MAGI2: variants seen among roughly 807,000 people sequenced by gnomAD.
MAGI2 encodes membrane-associated guanylate kinase, WW and PDZ domain-containing protein 2.
In MAGI2, 35 loss-of-function variants were observed where a neutral mutation model predicts 133.3. That is an observed-to-expected ratio of 0.26 (90% CI 0.20 to 0.35). The LOEUF is 0.35. Ranked by LOEUF, MAGI2 falls within the 10% of genes least tolerant of loss-of-function variation. MAGI2 has a pLI of 1.00. For synonymous variants in MAGI2, 729 were observed against 710.6 expected, an observed-to-expected ratio of 1.03 and a Z score of -0.41; for missense variants, 1,636 against 1,863.4, an observed-to-expected ratio of 0.88 and a Z score of 2.25.
chr7:78,890,589 A>C (rs1414221253), intron 2 of MAGI2, among the ~76,000 whole-genome samples: 1 of 152,136 alleles, frequency 6.6e-6, no homozygotes, highest in Non-Finnish European at 1.5e-5. Flanking sequence ...AAAACCGCTC[A>C]ACTACATGGA....
intron 10 of MAGI2, among the ~76,000 whole-genome samples, chr7:78,211,237 G>C (rs995727430): frequency 7.0e-6 from 1 of 142,780 alleles, no homozygotes; most frequent in African/African-American, 2.5e-5. Flanking sequence ...GAACCCCCCA[G>C]GATCTGCCCC....
intron 1 of MAGI2, among the ~76,000 whole-genome samples, chr7:79,109,059 C>T (rs1244609286): frequency 6.6e-6 from 1 of 152,216 alleles, no homozygotes; most frequent in East Asian, 1.9e-4. Context: ...TAAGCCTCTT[C>T]TCTTTATAGA....
chr7:79,058,279 C>T (rs1465899419), intron 1 of MAGI2, among the ~76,000 whole-genome samples: 1 of 152,106 alleles, frequency 6.6e-6, no homozygotes, highest in African/African-American at 2.4e-5. Flanking sequence ...AATAATGTTG[C>T]TCTCAGTAGA....
chr7:79,296,617 G>T (rs989918301), intron 1 of MAGI2, among the ~76,000 whole-genome samples: 1 of 152,138 alleles, frequency 6.6e-6, no homozygotes, highest in Non-Finnish European at 1.5e-5. Flanking sequence ...CTCATAATGG[G>T]AAATTGCAAA....
At chr7:79,160,463 T>C (rs1824245818) in intron 1 of MAGI2, among the ~76,000 whole-genome samples, 1 of 152,108 alleles carries the variant, frequency 6.6e-6, no homozygotes, top group South Asian at 2.1e-4. Flanking sequence ...AATTGTTCCA[T>C]TTTGTAGATT....
intron 2 of MAGI2, among the ~76,000 whole-genome samples, chr7:79,004,188 A>C (rs545392091): frequency 1.3e-3 from 193 of 152,294 alleles, no homozygotes; most frequent in African/African-American, 4.5e-3. Context: ...TTACAATAGC[A>C]AAGACAAGGA....
chr7:79,107,663 G>T lies in MAGI2; in HGVS notation c.302-100457C>A, dbSNP rs992995466. ...TGAGAGTTTATATGGAAATTCTTAT[G>T]CATACTCCATTTGGTAATCTCTTTT... is the stretch of plus-strand genomic sequence containing the variant. On this transcript the variant is annotated intron_variant, in intron 1 of 21. Coordinates refer to ENST00000354212, the MANE Select transcript of MAGI2 (RefSeq NM_012301.4). Among the ~76,000 whole-genome samples the T allele has an allele frequency of 7.9e-5, 12 of 152,130 alleles. 2 individuals are homozygous for T. Among genetic ancestry groups the T allele is most frequent in the Admixed American group, 7.2e-4 (11 of 15,272 alleles).
chr7:79,317,964 T>C (rs1356500955), intron 1 of MAGI2, among the ~76,000 whole-genome samples: 1 of 152,228 alleles, frequency 6.6e-6, no homozygotes, highest in African/African-American at 2.4e-5. Flanking sequence ...TGCTGCTCTT[T>C]GACCAGTATT....
intron 2 of MAGI2, among the ~76,000 whole-genome samples, chr7:78,867,133 G>A (rs10227420): frequency 0.49 from 68,289 of 138,842 alleles, 15,714 homozygotes; most frequent in East Asian, 0.65. Context: ...TCAGTGTGGT[G>A]ATTCCTCAGG....
chr7:78,705,963 C>A (rs919573869), intron 2 of MAGI2, among the ~76,000 whole-genome samples: 1 of 152,022 alleles, frequency 6.6e-6, no homozygotes, highest in Non-Finnish European at 1.5e-5. Context: ...CTCAAATGGG[C>A]AACAAGCACA....
intron 1 of MAGI2, among the ~76,000 whole-genome samples, chr7:79,388,636 G>A (rs1331682503): frequency 2.6e-5 from 4 of 151,382 alleles, no homozygotes; most frequent in Non-Finnish European, 4.4e-5. Flanking sequence ...CTCACCCTTT[G>A]ACAATAATGA....
intron 21 of MAGI2, among the ~76,000 whole-genome samples, chr7:78,057,224 A>G (rs1160827348): frequency 6.6e-6 from 1 of 151,790 alleles, no homozygotes; most frequent in Non-Finnish European, 1.5e-5. Flanking sequence ...CCTTGCCAAC[A>G]CTTGTTATTT....
intron 1 of MAGI2, chr7:79,125,117 G>T: frequency 3.4e-6 from 1 of 297,664 alleles, no homozygotes. Context: ...GAACAGTGTG[G>T]GAAAATCAAA....
chr7:79,337,723 T>C (rs992453233), intron 1 of MAGI2, among the ~76,000 whole-genome samples: 1 of 152,170 alleles, frequency 6.6e-6, no homozygotes, highest in Non-Finnish European at 1.5e-5. Flanking sequence ...CAAATTGAAC[T>C]ACAATGCCCA....
intron 6 of MAGI2, among the ~76,000 whole-genome samples, chr7:78,469,105 C>T (rs533826585): frequency 2.0e-4 from 30 of 152,236 alleles, no homozygotes; most frequent in African/African-American, 7.2e-4. Context: ...AGTTTAAATA[C>T]AGTTTATGAT....
At chr7:79,360,773 G>T (rs1264497350) in intron 1 of MAGI2, among the ~76,000 whole-genome samples, 1 of 151,832 alleles carries the variant, frequency 6.6e-6, no homozygotes, top group Non-Finnish European at 1.5e-5. Flanking sequence ...AGTAGCCAAA[G>T]GAAGGCAAGA....
intron 1 of MAGI2, among the ~76,000 whole-genome samples, chr7:79,137,906 C>T (rs564771366): frequency 6.6e-6 from 1 of 152,242 alleles, no homozygotes; most frequent in African/African-American, 2.4e-5. Flanking sequence ...AATTGAGACT[C>T]TTTAAATGGG....
chr7:78,917,765 T>C (rs1798914466), intron 2 of MAGI2, among the ~76,000 whole-genome samples: 2 of 152,092 alleles, frequency 1.3e-5, no homozygotes, highest in Admixed American at 6.6e-5. Flanking sequence ...AACCTCCTCC[T>C]CAGATATGAT....
chr7:79,365,436 C>T (rs1479360751), intron 1 of MAGI2, among the ~76,000 whole-genome samples: 1 of 152,126 alleles, frequency 6.6e-6, no homozygotes, highest in East Asian at 1.9e-4. Flanking sequence ...ATATTCATAG[C>T]ACCTTTATTT....
Sources: allele counts gnomAD v4.1 joint callset (sites outside exome capture counted in the v4.1 genomes callset), GRCh38; gene constraint gnomAD v4.1.1; transcripts MANE v1.5; gene names NCBI Gene and HGNC (gene_info 2026-07-23, HGNC 2026-07-21).